Variants in TMEM114 observed in about 807,000 individuals in gnomAD.
TMEM114 encodes the protein transmembrane protein 114.
In TMEM114, 6 loss-of-function variants were observed where a neutral mutation model predicts 6.2. That is an observed-to-expected ratio of 0.97 (90% CI 0.53 to 1.91). The LOEUF (loss-of-function observed/expected upper bound fraction) is 1.91, where lower values mean the gene tolerates loss of function less well. Among genes scored for constraint, TMEM114 ranks in the 40% most tolerant of loss-of-function variants. TMEM114 has a pLI of 0.01. For missense variants in TMEM114, 218 were observed against 158.3 expected (o/e 1.38, Z -2.02); for synonymous variants, 104 against 73.0 (o/e 1.42, Z -2.16).
chr16:8,569,275 C>T (rs896026528), downstream of TMEM114, among the ~76,000 whole-genome samples: 2 of 152,260 alleles, frequency 1.3e-5, no homozygotes, highest in Non-Finnish European at 1.5e-5. Flanking sequence ...TATTGTAGAC[C>T]TAACCTGACC....
intron 2 of TMEM114, among the ~76,000 whole-genome samples, chr16:8,582,975 A>G (rs939053764): frequency 6.1e-4 from 93 of 152,134 alleles, no homozygotes; most frequent in African/African-American, 2.1e-3. Context: ...GAAAGGAAGG[A>G]AAAGGAAAGG....
At chr16:8,562,419 AG>A (rs1901274618) in intron 2 of TMEM114, among the ~76,000 whole-genome samples, 1 of 151,336 alleles carries the variant, frequency 6.6e-6, no homozygotes, top group South Asian at 2.2e-4. Context: ...TAAATGAGTG[AG>A]TGAATAAGTG....
chr16:8,554,084 G>A (rs757270070), intron 2 of TMEM114, among the ~76,000 whole-genome samples: 3 of 152,056 alleles, frequency 2.0e-5, no homozygotes, highest in African/African-American at 7.2e-5. Flanking sequence ...TCACCATGTT[G>A]CCCAGGCTGA....
chr16:8,560,283 G>A (rs1432933269), intron 2 of TMEM114, among the ~76,000 whole-genome samples: 5 of 151,876 alleles, frequency 3.3e-5, no homozygotes, highest in Admixed American at 6.6e-5. Flanking sequence ...CAGGTGTGAG[G>A]CACTGTGCCC....
intron 2 of TMEM114, among the ~76,000 whole-genome samples, chr16:8,560,258 A>C (rs577010260): frequency 6.6e-6 from 1 of 151,108 alleles, no homozygotes; most frequent in Admixed American, 6.6e-5. Flanking sequence ...TTGGCCTTCT[A>C]AATTGTTGGG....
rs542154704 is a variant in TMEM114, at chr16:8,538,664, C to T, written n.213-838G>A. ...CTGCGACTACAGGCGCCCGCCACCA[C>T]GCCCAGCTAATTTTTGTATTTTTAG... On this transcript the variant is annotated intron_variant and non_coding_transcript_variant, in intron 2 of 2. Coordinates refer to the TMEM114 transcript ENST00000623677. 2.1e-3 allele frequency among the ~76,000 whole-genome samples: 324 copies of T among 152,192 alleles called. 2 individuals are homozygous for T. Among genetic ancestry groups the T allele is most frequent in the African/African-American group, 7.3e-3 (303 of 41,514 alleles).
chr16:8,554,099 G>A (rs1900930628), intron 2 of TMEM114, among the ~76,000 whole-genome samples: 2 of 152,060 alleles, frequency 1.3e-5, no homozygotes, highest in South Asian at 4.1e-4. Context: ...GGCTGATCTT[G>A]AACTCCTGAG....
chr16:8,549,098 C>A (rs112809443), intron 2 of TMEM114, among the ~76,000 whole-genome samples: 4,437 of 145,230 alleles, frequency 0.031, 223 homozygotes, highest in African/African-American at 0.11. Context: ...AGGAGAATGG[C>A]GTGAACCCTG....
At chr16:8,570,917 A>G (rs1470954877) in intron 3 of TMEM114, among the ~76,000 whole-genome samples, 1 of 152,220 alleles carries the variant, frequency 6.6e-6, no homozygotes, top group Non-Finnish European at 1.5e-5. Context: ...GGCATGGATT[A>G]GGGAACTTCT....
intron 2 of TMEM114, among the ~76,000 whole-genome samples, chr16:8,553,890 T>A (rs891940783): frequency 6.6e-6 from 1 of 151,772 alleles, no homozygotes; most frequent in African/African-American, 2.4e-5. Context: ...TTTTTTTTTT[T>A]TCTTTTGAGA....
chr16:8,552,231 A>C (rs1900868767), intron 2 of TMEM114, among the ~76,000 whole-genome samples: 1 of 151,790 alleles, frequency 6.6e-6, no homozygotes, highest in African/African-American at 2.4e-5. Context: ...AAAAAATTTT[A>C]ATATTAGCCA....
At chr16:8,533,631 G>C (rs186731912), downstream of TMEM114, among the ~76,000 whole-genome samples, 3 of 152,318 alleles carry the variant, frequency 2.0e-5, no homozygotes, top group African/African-American at 4.8e-5. Flanking sequence ...TGAATGAATG[G>C]AGTATGAAGT....
intron 2 of TMEM114, among the ~76,000 whole-genome samples, chr16:8,557,799 C>T (rs1901063091): frequency 6.6e-6 from 1 of 152,204 alleles, no homozygotes; most frequent in Non-Finnish European, 1.5e-5. Flanking sequence ...GCGCCATCAT[C>T]ATCTGGTAAC....
At chr16:8,548,686 A>G (rs1900747417) in intron 2 of TMEM114, among the ~76,000 whole-genome samples, 1 of 136,714 alleles carries the variant, frequency 7.3e-6, no homozygotes, top group African/African-American at 2.8e-5. Flanking sequence ...TGAGCTAAAA[A>G]TTGCCATGTA....
intron 2 of TMEM114, among the ~76,000 whole-genome samples, chr16:8,550,409 G>A (rs886223773): frequency 2.6e-5 from 4 of 152,044 alleles, no homozygotes; most frequent in Admixed American, 6.6e-5. Flanking sequence ...GGCCGGGTGC[G>A]GTGGCTCACG....
At chr16:8,560,283 G>T (rs1432933269) in intron 2 of TMEM114, among the ~76,000 whole-genome samples, 2 of 151,876 alleles carry the variant, frequency 1.3e-5, no homozygotes, top group Non-Finnish European at 2.9e-5. Flanking sequence ...CAGGTGTGAG[G>T]CACTGTGCCC....
intron 2 of TMEM114, among the ~76,000 whole-genome samples, chr16:8,579,924 G>C (rs919980225): frequency 6.6e-6 from 1 of 152,158 alleles, no homozygotes; most frequent in Non-Finnish European, 1.5e-5. Context: ...CTTCCTGAGT[G>C]GGGAGAGGTC....
intron 2 of TMEM114, among the ~76,000 whole-genome samples, chr16:8,552,448 G>T: frequency 6.6e-6 from 1 of 151,760 alleles, no homozygotes; most frequent in Non-Finnish European, 1.5e-5. Context: ...TGATTGAAAA[G>T]GTCTGCTTCA....
Position 8,548,968 on chromosome 16 carries a change from G to A in TMEM114, n.213-11142C>T, listed in dbSNP as rs1900757705. Reference sequence around the variant, plus strand: ...GAGGCCAAGGCAGGTGGATCACAAGGTCAGGAGATCAAGACCATCCTGGCT... The same window carrying A: ...GAGGCCAAGGCAGGTGGATCACAAGATCAGGAGATCAAGACCATCCTGGCT... On this transcript the variant is annotated intron_variant and non_coding_transcript_variant, in intron 2 of 2. Coordinates refer to the TMEM114 transcript ENST00000623677. Among the ~76,000 whole-genome samples, 3 of 151,442 alleles carry A rather than the reference G, an allele frequency of 2.0e-5. No homozygotes were observed. The South Asian group carries it at 6.3e-4, about 32-fold the overall frequency.
Sources: allele counts gnomAD v4.1 joint callset (sites outside exome capture counted in the v4.1 genomes callset), GRCh38; gene constraint gnomAD v4.1.1; transcripts MANE v1.5; gene names NCBI Gene and HGNC (gene_info 2026-07-23, HGNC 2026-07-21).